Variants in KCNQ3 observed in about 807,000 individuals in gnomAD.
KCNQ3 encodes potassium voltage-gated channel subfamily KQT member 3.
KCNQ3 carries 30 observed loss-of-function variants against 92.5 expected under a neutral mutation model. The ratio of observed to expected loss-of-function variants is 0.32; its 90% confidence interval spans 0.24 to 0.44. The LOEUF is 0.44. Ranked by LOEUF, KCNQ3 falls within the 20% of genes least tolerant of loss-of-function variation. KCNQ3 has a pLI of 1.00. For synonymous variants in KCNQ3, 450 were observed against 468.8 expected (o/e 0.96, Z 0.52); for missense variants, 913 against 1,140.3 (o/e 0.80, Z 2.87).
At chr8:132,461,671 T>C (rs577575946) in intron 1 of KCNQ3, among the ~76,000 whole-genome samples, 2 of 152,252 alleles carry the variant, frequency 1.3e-5, no homozygotes, top group Non-Finnish European at 1.5e-5. Context: ...CCCTACATCC[T>C]TGTCAACATT....
intron 1 of KCNQ3, among the ~76,000 whole-genome samples, chr8:132,437,780 C>G (rs1305878658): frequency 6.6e-6 from 1 of 152,186 alleles, no homozygotes; most frequent in Non-Finnish European, 1.5e-5. Flanking sequence ...TCCCAGGCCC[C>G]AAATACCCAT....
Position 132,360,270 on chromosome 8 carries a change from A to G in KCNQ3, c.386+119877T>C, listed in dbSNP as rs190214681. Among the ~76,000 whole-genome samples, 218 of 152,248 alleles carry G rather than the reference A, an allele frequency of 1.4e-3. 1 individual carries two copies. The highest frequency in any genetic ancestry group is 3.4e-3 in the Middle Eastern group (1 of 294). On this transcript the variant is annotated intron_variant, in intron 1 of 14. Coordinates refer to ENST00000388996, the MANE Select transcript of KCNQ3 (RefSeq NM_004519.4). ...CAGCTGTTCTTGAAGTCAGCCAAGC[A>G]ACTCTGTCTAGATATCTGCAGAGCC...
At chr8:132,306,290 A>G (rs1817419897) in intron 1 of KCNQ3, among the ~76,000 whole-genome samples, 1 of 152,164 alleles carries the variant, frequency 6.6e-6, no homozygotes, top group Admixed American at 6.5e-5. Context: ...CAATCCTGGT[A>G]ACATTCTGAC....
chr8:132,355,566 G>A (rs1423805771), intron 1 of KCNQ3, among the ~76,000 whole-genome samples: 1 of 152,072 alleles, frequency 6.6e-6, no homozygotes, highest in Admixed American at 6.6e-5. Flanking sequence ...ACAATCAGAA[G>A]GTGAGTTTCA....
intron 1 of KCNQ3, among the ~76,000 whole-genome samples, chr8:132,392,717 C>T (rs1820081683): frequency 7.1e-6 from 1 of 140,332 alleles, no homozygotes; most frequent in Non-Finnish European, 1.5e-5. Flanking sequence ...GGGAGGATCA[C>T]TTGGGTAGAG....
chr8:132,184,510 GT>G, intron 2 of KCNQ3, 143 bp from the exon 3 acceptor site: 1 of 759,152 alleles, frequency 1.3e-6, no homozygotes, highest in Non-Finnish European at 2.2e-6. Flanking sequence ...GGGGATGGGG[GT>G]GGGGAAGGGG....
intron 11 of KCNQ3, 105 bp from the exon 12 acceptor site, chr8:132,138,121 T>C (rs1241563345): frequency 7.5e-7 from 1 of 1,341,984 alleles, no homozygotes; most frequent in Non-Finnish European, 1.0e-6. Flanking sequence ...GAACCAAAGA[T>C]AAAAGAGCTT....
At chr8:132,304,726 T>C (rs1817362839) in intron 1 of KCNQ3, among the ~76,000 whole-genome samples, 1 of 152,194 alleles carries the variant, frequency 6.6e-6, no homozygotes, top group African/African-American at 2.4e-5. Flanking sequence ...AGTACTGATT[T>C]AGAGGATGAG....
intron 1 of KCNQ3, among the ~76,000 whole-genome samples, chr8:132,299,793 G>A (rs537696085): frequency 4.8e-5 from 3 of 62,428 alleles, no homozygotes; most frequent in South Asian, 6.6e-4. Flanking sequence ...TTCTGAGGGC[G>A]GTATTTTCCT....
intron 1 of KCNQ3, among the ~76,000 whole-genome samples, chr8:132,393,983 C>T (rs780754023): frequency 5.9e-5 from 9 of 152,194 alleles, no homozygotes; most frequent in African/African-American, 2.2e-4. Context: ...CTACTGTGTG[C>T]CCTTGCTGTG....
intron 1 of KCNQ3, among the ~76,000 whole-genome samples, chr8:132,423,095 T>G (rs1275102086): frequency 1.3e-5 from 2 of 152,130 alleles, no homozygotes; most frequent in African/African-American, 2.4e-5. Flanking sequence ...TTGTTTGATG[T>G]GGTCTGACAA....
intron 1 of KCNQ3, among the ~76,000 whole-genome samples, chr8:132,415,697 G>A (rs1820779444): frequency 6.6e-6 from 1 of 152,080 alleles, no homozygotes; most frequent in South Asian, 2.1e-4. Flanking sequence ...CCATCAGAGA[G>A]AGATAAATCA....
At chr8:132,320,576 T>A (rs60251141) in intron 1 of KCNQ3, among the ~76,000 whole-genome samples, 2,597 of 152,142 alleles carry the variant, frequency 0.017, 79 homozygotes, top group African/African-American at 0.06. Flanking sequence ...ATTCTTCCTG[T>A]CCCTATTACC....
intron 1 of KCNQ3, among the ~76,000 whole-genome samples, chr8:132,417,705 T>C (rs767752888): frequency 1.3e-5 from 2 of 149,514 alleles, no homozygotes; most frequent in African/African-American, 2.4e-5. Flanking sequence ...CATTCATTCA[T>C]TCCAGGCATG....
At chr8:132,194,752 T>A (rs1270311811) in intron 1 of KCNQ3, among the ~76,000 whole-genome samples, 1 of 152,244 alleles carries the variant, frequency 6.6e-6, no homozygotes, top group Non-Finnish European at 1.5e-5. Context: ...AAAAATTTGA[T>A]TAGCTGGAAA....
chr8:132,258,593 A>C (rs1815669150), intron 1 of KCNQ3, among the ~76,000 whole-genome samples: 1 of 152,068 alleles, frequency 6.6e-6, no homozygotes, highest in South Asian at 2.1e-4. Context: ...TTCCACCTTA[A>C]GAAACTGGAA....
At chr8:132,351,538 C>T (rs1818866008) in intron 1 of KCNQ3, among the ~76,000 whole-genome samples, 1 of 152,186 alleles carries the variant, frequency 6.6e-6, no homozygotes, top group African/African-American at 2.4e-5. Flanking sequence ...ACCCCAGAAT[C>T]CTTCAAATAT....
At chr8:132,456,438 C>T (rs1216082861) in intron 1 of KCNQ3, among the ~76,000 whole-genome samples, 2 of 148,856 alleles carry the variant, frequency 1.3e-5, no homozygotes, top group Admixed American at 1.4e-4. Flanking sequence ...AATTAATGTT[C>T]CAAACACCAG....
chr8:132,151,129 G>A (rs1429230423), intron 9 of KCNQ3, among the ~76,000 whole-genome samples: 1 of 152,158 alleles, frequency 6.6e-6, no homozygotes. Context: ...CAATTTGCCA[G>A]CTTCACAACT....
Sources: allele counts gnomAD v4.1 joint callset (sites outside exome capture counted in the v4.1 genomes callset), GRCh38; gene constraint gnomAD v4.1.1; transcripts MANE v1.5; gene names NCBI Gene and HGNC (gene_info 2026-07-23, HGNC 2026-07-21).